Variants in BMPR2 observed in about 807,000 individuals in gnomAD.
The protein encoded by BMPR2 is bone morphogenetic protein receptor type 2, also known as bone morphogenetic protein receptor type-2.
A neutral mutation model predicts 100.8 loss-of-function variants in BMPR2; 29 were observed. That is an observed-to-expected ratio of 0.29 (90% CI 0.21 to 0.39). The LOEUF is 0.39. BMPR2 is among the 10% of genes least tolerant of loss of function. The pLI is 1.00. For missense variants in BMPR2, 1,011 were observed against 1,274.5 expected (o/e 0.79, Z 3.15); for synonymous variants, 382 against 442.3 (o/e 0.86, Z 1.71).
intron 7 of BMPR2, among the ~76,000 whole-genome samples, chr2:202,529,521 T>C (rs192748852): frequency 5.9e-5 from 9 of 152,326 alleles, no homozygotes; most frequent in Admixed American, 1.3e-4. Flanking sequence ...GTACGACATA[T>C]ATTTATGTTG....
intron 3 of BMPR2, among the ~76,000 whole-genome samples, chr2:202,494,835 A>G (rs1692988263): frequency 6.6e-6 from 1 of 152,298 alleles, no homozygotes; most frequent in Admixed American, 6.5e-5. Flanking sequence ...TTTTTCAGGG[A>G]TCTCATATTT....
rs1688623113 is a variant in BMPR2, at chr2:202,558,529, CCTTG to C, written c.2867-1162_2867-1159del. ...AAAACACAATCAGGAAAATTTAGCCCCTTGCTTGAGTGGCTTGTATTACAGATCA... is the reference window on the plus strand; with the variant it reads ...AAAACACAATCAGGAAAATTTAGCCCCTTGAGTGGCTTGTATTACAGATCA... On this transcript the variant is annotated intron_variant, in intron 12 of 12. Transcript: ENST00000374580. 1.3e-5 allele frequency among the ~76,000 whole-genome samples: 2 copies of C among 152,106 alleles called. 1 individual carries two copies. Among genetic ancestry groups the C allele is most frequent in the Non-Finnish European group, 2.9e-5 (2 of 68,018 alleles).
intron 1 of BMPR2, among the ~76,000 whole-genome samples, chr2:202,411,453 G>A (rs1233305522): frequency 6.6e-6 from 1 of 152,196 alleles, no homozygotes; most frequent in African/African-American, 2.4e-5. Context: ...TACTTTCCTT[G>A]TAGGGTTAAA....
At chr2:202,522,657 C>G (rs1231321434) in intron 7 of BMPR2, among the ~76,000 whole-genome samples, 1 of 151,974 alleles carries the variant, frequency 6.6e-6, no homozygotes, top group South Asian at 2.1e-4. Context: ...TAGTCAGACC[C>G]CCATCTCTAC....
At chr2:202,471,028 C>G (rs770647247) in intron 3 of BMPR2, among the ~76,000 whole-genome samples, 19 of 152,120 alleles carry the variant, frequency 1.2e-4, no homozygotes, top group Non-Finnish European at 2.4e-4. Flanking sequence ...CCCTGTACTC[C>G]AGCCTGGGTG....
intron 3 of BMPR2, among the ~76,000 whole-genome samples, chr2:202,494,037 A>T (rs1475289626): frequency 6.6e-6 from 1 of 152,210 alleles, no homozygotes; most frequent in Non-Finnish European, 1.5e-5. Context: ...TTAAATGTAA[A>T]CATTAGTCTG....
intron 5 of BMPR2, among the ~76,000 whole-genome samples, chr2:202,517,560 C>T (rs576564021): frequency 6.6e-6 from 1 of 151,884 alleles, no homozygotes; most frequent in Non-Finnish European, 1.5e-5. Flanking sequence ...CTGTGTTGGC[C>T]AGGCTGGTCT....
At chr2:202,463,947 G>A (rs1300610419) in intron 1 of BMPR2, among the ~76,000 whole-genome samples, 1 of 152,042 alleles carries the variant, frequency 6.6e-6, no homozygotes, top group Non-Finnish European at 1.5e-5. Flanking sequence ...ATCATCTGAA[G>A]TCGAGAGTTC....
At chr2:202,463,412 G>A (rs1692259859) in intron 1 of BMPR2, among the ~76,000 whole-genome samples, 1 of 151,984 alleles carries the variant, frequency 6.6e-6, no homozygotes, top group Admixed American at 6.6e-5. Flanking sequence ...TATTATTGTT[G>A]GTTAATTTCA....
chr2:202,562,534 A>G lies in BMPR2; in HGVS notation c.*2588A>G, dbSNP rs1298564485. The G allele has an allele frequency of 1.3e-5, 2 of 152,618 alleles. No homozygotes were observed. Among genetic ancestry groups the G allele is most frequent in the East Asian group, 3.8e-4 (2 of 5,202 alleles). The allele number at this position is 152,618 out of a possible 1,614,324, so 9.5% of individuals were successfully genotyped here. A position where few individuals can be genotyped will look rare whatever the true frequency, so the allele number is the denominator to read the frequency against. On this transcript the variant is annotated 3_prime_UTR_variant, in exon 13 of 13. Coordinates refer to ENST00000374580, the MANE Select transcript of BMPR2 (RefSeq NM_001204.7). ...TTTTAAATGACTTAATTGTATGCTA[A>G]TACTCATCTGATAATAAATGCTTCT...
Position 202,562,825 on chromosome 2 carries a change from T to C in BMPR2, c.*2879T>C, listed in dbSNP as rs1035572535. 3.3e-5 allele frequency: 5 copies of C among 149,428 alleles called. No individual in the cohort carries two copies. The highest frequency in any genetic ancestry group is 5.9e-5 in the Non-Finnish European group (4 of 67,288). 9.3% of individuals were successfully genotyped at this position (149,428 alleles called of 1,614,324 possible). A position where few individuals can be genotyped will look rare whatever the true frequency, so the allele number is the denominator to read the frequency against. ...TTGTAAATTCTTAAAACTTTCTAAA[T>C]GCATAATTGGCAAAAAAAAAAACCC... On this transcript the variant is annotated 3_prime_UTR_variant, in exon 13 of 13. Coordinates refer to ENST00000374580, the MANE Select transcript of BMPR2 (RefSeq NM_001204.7).
chr2:202,491,808 TA>T (rs1378948797), intron 3 of BMPR2, among the ~76,000 whole-genome samples: 2 of 152,178 alleles, frequency 1.3e-5, no homozygotes, highest in Non-Finnish European at 1.5e-5. Context: ...CTGCTTCATT[TA>T]AAATTCTTCT....
At chr2:202,389,961 G>A (rs1190779979) in intron 1 of BMPR2, among the ~76,000 whole-genome samples, 3 of 149,466 alleles carry the variant, frequency 2.0e-5, no homozygotes, top group East Asian at 3.9e-4. Context: ...GTTTTTAAAC[G>A]ATGATGATGG....
At chr2:202,550,455 C>G (rs1402760852) in intron 10 of BMPR2, among the ~76,000 whole-genome samples, 2 of 151,182 alleles carry the variant, frequency 1.3e-5, no homozygotes, top group Non-Finnish European at 2.9e-5. Flanking sequence ...TGGCCTCAAA[C>G]AGTCCTCCCA....
Position 202,381,162 on chromosome 2 carries a change from A to G in BMPR2, c.76+3612A>G, listed in dbSNP as rs542942298. The stretch of plus-strand genomic sequence containing the variant: ...GCTAATTTTTGTATTTTTAGTAGAG[A>G]CGTGGTTTTACCATATTGGCCAGGC... On this transcript the variant is annotated intron_variant, in intron 1 of 12. Coordinates refer to ENST00000374580, the MANE Select transcript of BMPR2 (RefSeq NM_001204.7). Among the ~76,000 whole-genome samples the G allele has an allele frequency of 3.3e-5, 5 of 151,122 alleles. 1 individual carries two copies. The South Asian group carries it at 1.0e-3, about 32-fold the overall frequency.
rs906183030 is a variant in BMPR2, at chr2:202,514,953, G to C, written c.595G>C (p.Asp199His). The change falls in exon 5 of 13, where the codon GAT becomes CAT. Residue 199 changes from aspartate (D) to histidine (H), a missense_variant. Coordinates refer to ENST00000374580, the MANE Select transcript of BMPR2 (RefSeq NM_001204.7). ...GGCAGCAGCATCCGAACCCTCTCTT[G>C]ATCTAGATAATCTGAAACTGTTGGA... ...MEAAASEPSL[D>H]LDNLKLLELI... The C allele has an allele frequency of 6.2e-7, 1 of 1,614,086 alleles. No individual in the cohort carries two copies. Among genetic ancestry groups the C allele is most frequent in the Non-Finnish European group, 8.5e-7 (1 of 1,180,014 alleles).
At chr2:202,494,217 A>T (rs997968417) in intron 3 of BMPR2, among the ~76,000 whole-genome samples, 2 of 152,226 alleles carry the variant, frequency 1.3e-5, no homozygotes, top group African/African-American at 4.8e-5. Context: ...ATCGTTTTGG[A>T]TTTAAATGTT....
intron 7 of BMPR2, among the ~76,000 whole-genome samples, chr2:202,528,426 A>T (rs1687958681): frequency 6.6e-6 from 1 of 152,134 alleles, no homozygotes; most frequent in South Asian, 2.1e-4. Flanking sequence ...TGACCTCGTG[A>T]TCCACCCGCC....
Position 202,464,793 on chromosome 2 carries a change from ATTTCC to A in BMPR2, c.77-12_77-8del, listed in dbSNP as rs1559046511. 6.2e-7 allele frequency: 1 copy of A among 1,603,978 alleles called. No homozygotes were observed. The highest frequency in any genetic ancestry group is 8.5e-7 in the Non-Finnish European group (1 of 1,175,690). ...ACATTAAATAATTTGTCATTCCTTT[ATTTCC>A]TTTATTTTAGCTTCGCAGAATCAAG... On this transcript the variant is annotated splice_polypyrimidine_tract_variant and intron_variant, in intron 1 of 12. Transcript: ENST00000374580.
Sources: allele counts gnomAD v4.1 joint callset (sites outside exome capture counted in the v4.1 genomes callset), GRCh38; gene constraint gnomAD v4.1.1; transcripts MANE v1.5; gene names NCBI Gene and HGNC (gene_info 2026-07-23, HGNC 2026-07-21).